The following LY96 variants were observed in gnomAD, a reference collection of about 807,000 sequenced individuals.
LY96 encodes myeloid differentiation protein-2.
A neutral mutation model predicts 18.9 loss-of-function variants in LY96; 18 were observed. The ratio of observed to expected loss-of-function variants is 0.95; its 90% CI spans 0.66 to 1.41. The LOEUF (loss-of-function observed/expected upper bound fraction) is 1.41, where lower values mean the gene tolerates loss of function less well. LY96 is among the 40% of genes most tolerant of loss of function. The pLI is 0.00. For missense variants in LY96, 175 were observed against 182.4 expected (o/e 0.96, Z 0.23); for synonymous variants, 66 against 62.6 (o/e 1.06, Z -0.26).
chr8:74,033,237 C>T (rs866855636), downstream of LY96, among the ~76,000 whole-genome samples: 1 of 151,740 alleles, frequency 6.6e-6, no homozygotes, highest in African/African-American at 2.4e-5. Context: ...CACCCCAGAA[C>T]AGTGATATAA....
chr8:74,040,224 A>G, the LY96 span, among the ~76,000 whole-genome samples: 1 of 152,240 alleles, frequency 6.6e-6, no homozygotes, highest in Non-Finnish European at 1.5e-5. Flanking sequence ...AATGTCCATG[A>G]TCATCTCTAT....
chr8:74,044,786 C>G, the LY96 span, among the ~76,000 whole-genome samples: 1 of 152,202 alleles, frequency 6.6e-6, no homozygotes, highest in South Asian at 2.1e-4. Flanking sequence ...AACCTACTTT[C>G]AATGCAAAGA....
At chr8:74,007,820 C>T (rs533498141) in intron 2 of LY96, among the ~76,000 whole-genome samples, 34 of 152,108 alleles carry the variant, frequency 2.2e-4, no homozygotes, top group Non-Finnish European at 3.8e-4. Flanking sequence ...AGTGCAGTGG[C>T]GTGATCTCGG....
the LY96 span, among the ~76,000 whole-genome samples, chr8:74,041,350 CAT>C: frequency 1.3e-5 from 2 of 152,266 alleles, no homozygotes; most frequent in East Asian, 1.9e-4. Flanking sequence ...GATTGTAAAA[CAT>C]GTGTGTTTGA....
the LY96 span, among the ~76,000 whole-genome samples, chr8:74,049,655 A>T: frequency 5.3e-5 from 8 of 152,222 alleles, no homozygotes; most frequent in Non-Finnish European, 1.2e-4. Context: ...AGATACTTGA[A>T]TTAGGGCATT....
the LY96 span, among the ~76,000 whole-genome samples, chr8:74,083,252 T>C: frequency 1.3e-5 from 2 of 152,216 alleles, no homozygotes; most frequent in Non-Finnish European, 1.5e-5. Context: ...TCTTGTTCTG[T>C]TGCCCAGGCT....
the LY96 span, among the ~76,000 whole-genome samples, chr8:74,090,139 A>G: frequency 4.6e-5 from 7 of 152,198 alleles, no homozygotes; most frequent in African/African-American, 1.7e-4. Flanking sequence ...TTGTGGAGGC[A>G]TAGAGTGAAA....
intron 2 of LY96, among the ~76,000 whole-genome samples, chr8:74,007,047 A>G (rs562769455): frequency 6.6e-6 from 1 of 152,320 alleles, no homozygotes; most frequent in South Asian, 2.1e-4. Context: ...AAGGAGAATT[A>G]AGTAGGATAA....
chr8:74,053,912 A>T, the LY96 span, among the ~76,000 whole-genome samples: 1 of 152,184 alleles, frequency 6.6e-6, no homozygotes, highest in Non-Finnish European at 1.5e-5. Flanking sequence ...TTGCCATGTG[A>T]TGTCTTCCGC....
At chr8:74,047,839 T>C in the LY96 span, among the ~76,000 whole-genome samples, 1 of 152,194 alleles carries the variant, frequency 6.6e-6, no homozygotes, top group African/African-American at 2.4e-5. Context: ...GATAATATCA[T>C]TACCCTGCTT....
chr8:74,096,727 A>G, the LY96 span, among the ~76,000 whole-genome samples: 1 of 152,230 alleles, frequency 6.6e-6, no homozygotes, highest in Non-Finnish European at 1.5e-5. Flanking sequence ...CCCAGCACCT[A>G]TGATGGTATA....
chr8:74,056,292 C>A, the LY96 span: 1 of 286,616 alleles, frequency 3.5e-6, no homozygotes, highest in South Asian at 3.2e-5. Flanking sequence ...GTTTTGTGTT[C>A]AGCCAGCAAT....
chr8:74,029,566 G>A (rs1160711467), downstream of LY96, among the ~76,000 whole-genome samples: 1 of 152,090 alleles, frequency 6.6e-6, no homozygotes, highest in East Asian at 1.9e-4. Flanking sequence ...GCCACCATAC[G>A]AAGAAGGACG....
At chr8:74,045,554 C>G in the LY96 span, among the ~76,000 whole-genome samples, 3 of 152,194 alleles carry the variant, frequency 2.0e-5, no homozygotes, top group Admixed American at 2.0e-4. Flanking sequence ...TTGAAGAAAA[C>G]AGAAGACACA....
downstream of LY96, among the ~76,000 whole-genome samples, chr8:74,029,843 G>A (rs7013457): frequency 0.3 from 45,496 of 151,940 alleles, 9,307 homozygotes; most frequent in African/African-American, 0.59. Flanking sequence ...TATTTTTAGT[G>A]GAGATGGGGT....
chr8:74,011,005 A>G (rs1414895055), intron 3 of LY96, among the ~76,000 whole-genome samples: 1 of 152,096 alleles, frequency 6.6e-6, no homozygotes, highest in East Asian at 1.9e-4. Context: ...TTGAGACCTC[A>G]GAGGTGTCAG....
the LY96 span, among the ~76,000 whole-genome samples, chr8:74,072,153 A>AT: frequency 6.6e-6 from 1 of 152,150 alleles, no homozygotes. Flanking sequence ...GATCTATATA[A>AT]TTTTTAATAG....
At chr8:74,040,122 A>G in the LY96 span, among the ~76,000 whole-genome samples, 9 of 152,196 alleles carry the variant, frequency 5.9e-5, no homozygotes, top group Non-Finnish European at 1.2e-4. Context: ...ACCCGACCCT[A>G]TACCCGCCAG....
chr8:73,998,634 G>A (rs911285117), intron 1 of LY96, among the ~76,000 whole-genome samples: 3 of 152,100 alleles, frequency 2.0e-5, no homozygotes, highest in African/African-American at 7.2e-5. Flanking sequence ...CCTGAGCTAT[G>A]ATTGTGCCAC....
Sources: allele counts gnomAD v4.1 joint callset (sites outside exome capture counted in the v4.1 genomes callset), GRCh38; gene constraint gnomAD v4.1.1; transcripts MANE v1.5; gene names NCBI Gene and HGNC (gene_info 2026-07-23, HGNC 2026-07-21).